ZFAND3: variants seen among roughly 807,000 people sequenced by gnomAD.
The protein encoded by ZFAND3 is zinc finger AN1-type containing 3, also known as AN1-type zinc finger protein 3.
Under a neutral mutation model 29.6 loss-of-function variants are expected in ZFAND3, and 10 were observed. The observed-to-expected ratio is 0.34, with a 90% CI of 0.21 to 0.57. The LOEUF (loss-of-function observed/expected upper bound fraction) is 0.57, where lower values mean the gene tolerates loss of function less well. Ranked by LOEUF, ZFAND3 falls within the 20% of genes least tolerant of loss-of-function variation. The probability of loss-of-function intolerance (pLI) is 0.86; values close to 1 mark genes in which losing one functional copy is unlikely to be tolerated. For missense variants in ZFAND3, 230 were observed against 304.5 expected, an observed-to-expected ratio of 0.76 and a Z score of 1.82; for synonymous variants, 128 against 112.6, an observed-to-expected ratio of 1.14 and a Z score of -0.87.
intron 2 of ZFAND3, among the ~76,000 whole-genome samples, chr6:37,964,522 A>T (rs931347727): frequency 6.6e-5 from 10 of 152,234 alleles, no homozygotes; most frequent in Admixed American, 3.3e-4. Flanking sequence ...ACAGCCCCTT[A>T]GAGACAGCCA....
chr6:37,994,136 G>C (rs1053208383), intron 2 of ZFAND3, among the ~76,000 whole-genome samples: 3 of 147,010 alleles, frequency 2.0e-5, no homozygotes, highest in Non-Finnish European at 4.5e-5. Context: ...GTGTGTGTGT[G>C]TTTTGGCTTC....
At chr6:38,129,032 G>A (rs957156804) in intron 5 of ZFAND3, among the ~76,000 whole-genome samples, 10 of 152,210 alleles carry the variant, frequency 6.6e-5, no homozygotes, top group African/African-American at 2.2e-4. Context: ...TCTTGCAGGA[G>A]TAAGGTAGTA....
intron 3 of ZFAND3, among the ~76,000 whole-genome samples, chr6:38,066,051 G>C (rs73419944): frequency 0.068 from 10,410 of 152,238 alleles, 429 homozygotes; most frequent in Non-Finnish European, 0.087. Flanking sequence ...GGGGTGGAAG[G>C]GGGGAAGTAG....
At chr6:38,041,681 T>TCTTCTTCTTCTC (rs1561976775) in intron 2 of ZFAND3, among the ~76,000 whole-genome samples, 1 of 13,738 alleles carries the variant, frequency 7.3e-5, no homozygotes, top group African/African-American at 2.2e-4. Flanking sequence ...TTCTTCTTCT[T>TCTTCTTCTTCTC]CTTCTCCTTC....
At chr6:37,842,328 G>C (rs752339491) in intron 1 of ZFAND3, among the ~76,000 whole-genome samples, 3 of 151,902 alleles carry the variant, frequency 2.0e-5, no homozygotes, top group South Asian at 2.1e-4. Context: ...GCTGTTTCTC[G>C]TACCCTATCA....
At chr6:37,895,365 G>A (rs948715929) in intron 1 of ZFAND3, among the ~76,000 whole-genome samples, 1 of 149,678 alleles carries the variant, frequency 6.7e-6, no homozygotes, top group Non-Finnish European at 1.5e-5. Flanking sequence ...ACGGAGTTTC[G>A]CTCTTGTTGC....
At chr6:38,087,144 G>A (rs1764773259) in intron 4 of ZFAND3, among the ~76,000 whole-genome samples, 1 of 152,184 alleles carries the variant, frequency 6.6e-6, no homozygotes, top group Non-Finnish European at 1.5e-5. Context: ...ATGTGCAGAA[G>A]TATGAAACTA....
At chr6:38,019,366 T>A (rs945667933) in intron 2 of ZFAND3, among the ~76,000 whole-genome samples, 1 of 152,240 alleles carries the variant, frequency 6.6e-6, no homozygotes, top group Non-Finnish European at 1.5e-5. Context: ...AATTTTGTGT[T>A]CATGCTCTTT....
At chr6:37,882,329 G>A (rs1764911748) in intron 1 of ZFAND3, among the ~76,000 whole-genome samples, 1 of 152,032 alleles carries the variant, frequency 6.6e-6, no homozygotes, top group African/African-American at 2.4e-5. Flanking sequence ...TTATTTTGGG[G>A]GCAGTAGTCA....
Position 37,891,426 on chromosome 6 carries a change from C to G in ZFAND3, c.72-38533C>G, listed in dbSNP as rs558621535. ...AGTTGGAGATTTCAGTCCCCCCCCC[C>G]GCCTTTAAAATACAAAAATTAGCCG... is the stretch of plus-strand genomic sequence containing the variant. On this transcript the variant is annotated intron_variant, in intron 1 of 5. Transcript: ENST00000287218. 1.0e-4 allele frequency among the ~76,000 whole-genome samples: 15 copies of G among 144,808 alleles called. 1 individual carries two copies. The highest frequency in any genetic ancestry group is 2.4e-4 in the African/African-American group (9 of 37,530). The allele number at this position is 144,808 out of a possible 152,430, so 95.0% of individuals were successfully genotyped here.
chr6:37,838,674 T>A (rs1285368181), intron 1 of ZFAND3, among the ~76,000 whole-genome samples: 3 of 152,234 alleles, frequency 2.0e-5, no homozygotes, highest in Admixed American at 6.5e-5. Context: ...TGTGGCTGTA[T>A]AATACTCCAT....
At chr6:37,881,935 G>A (rs1222228406) in intron 1 of ZFAND3, among the ~76,000 whole-genome samples, 1 of 152,114 alleles carries the variant, frequency 6.6e-6, no homozygotes, top group Non-Finnish European at 1.5e-5. Flanking sequence ...ATCACATGAA[G>A]ACTATAGGTC....
intron 2 of ZFAND3, among the ~76,000 whole-genome samples, chr6:37,948,621 C>G (rs960542287): frequency 1.3e-5 from 2 of 152,198 alleles, no homozygotes; most frequent in Non-Finnish European, 2.9e-5. Context: ...CCATCCTCCA[C>G]CCCTAAGTAG....
chr6:37,862,643 G>A (rs1182071301), intron 1 of ZFAND3, among the ~76,000 whole-genome samples: 1 of 151,870 alleles, frequency 6.6e-6, no homozygotes, highest in African/African-American at 2.4e-5. Context: ...GGTCAAGGCT[G>A]CAATGAGCTG....
chr6:38,044,577 TTTTC>T (rs922247521), intron 2 of ZFAND3, among the ~76,000 whole-genome samples: 1 of 152,202 alleles, frequency 6.6e-6, no homozygotes, highest in African/African-American at 2.4e-5. Context: ...TAGTTTTAGT[TTTTC>T]TTTCTAGGAA....
chr6:37,998,125 A>T (rs1762883065), intron 2 of ZFAND3, among the ~76,000 whole-genome samples: 1 of 152,254 alleles, frequency 6.6e-6, no homozygotes, highest in Non-Finnish European at 1.5e-5. Flanking sequence ...TTCAACTGTA[A>T]AAAGAAATAG....
intron 2 of ZFAND3, among the ~76,000 whole-genome samples, chr6:38,042,924 C>T (rs1331507729): frequency 6.6e-6 from 1 of 152,080 alleles, no homozygotes; most frequent in Non-Finnish European, 1.5e-5. Flanking sequence ...CACTTGAGCT[C>T]CTGCCAAGGA....
At chr6:37,860,525 A>G (rs1389390412) in intron 1 of ZFAND3, among the ~76,000 whole-genome samples, 1 of 152,102 alleles carries the variant, frequency 6.6e-6, no homozygotes, top group East Asian at 1.9e-4. Context: ...TCTCTGTAGA[A>G]GTGGCTAAAG....
chr6:38,126,662 AT>A (rs145795972), intron 5 of ZFAND3, among the ~76,000 whole-genome samples: 4,964 of 152,200 alleles, frequency 0.033, 218 homozygotes, highest in African/African-American at 0.096. Flanking sequence ...TGTTGAACAT[AT>A]TTTTTATATG....
Sources: allele counts gnomAD v4.1 joint callset (sites outside exome capture counted in the v4.1 genomes callset), GRCh38; gene constraint gnomAD v4.1.1; transcripts MANE v1.5; gene names NCBI Gene and HGNC (gene_info 2026-07-23, HGNC 2026-07-21).